Variants in MLIP observed in about 807,000 individuals in gnomAD.
The protein encoded by MLIP is muscular LMNA interacting protein.
Under a neutral mutation model 84.8 loss-of-function variants are expected in MLIP, and 79 were observed. That is an observed-to-expected ratio of 0.93 (90% confidence interval 0.78 to 1.12). The LOEUF is 1.12. MLIP is among the 50% of genes most tolerant of loss of function. The probability of loss-of-function intolerance (pLI) is 0.00; values close to 1 mark genes in which losing one functional copy is unlikely to be tolerated. For missense variants in MLIP, 1,257 were observed against 1,160.6 expected (o/e 1.08, Z -1.21); for synonymous variants, 504 against 463.0 (o/e 1.09, Z -1.14).
intron 11 of MLIP, among the ~76,000 whole-genome samples, chr6:54,213,730 A>C (rs370742015): frequency 2.5e-4 from 19 of 76,878 alleles, no homozygotes; most frequent in Middle Eastern, 6.3e-3. Context: ...AAAAAAAAAA[A>C]AAAAAACAAC....
rs77222657 is a variant in MLIP at position 54,075,642 on chromosome 6, C to T, written c.64-45805C>T. 7.2e-3 allele frequency among the ~76,000 whole-genome samples: 1,101 copies of T among 152,224 alleles called. 4 individuals are homozygous for T. The highest frequency in any genetic ancestry group is 0.013 in the Non-Finnish European group (892 of 68,026). ...AGACTGGAAATGTTTAAAAAAAAGTCAAAGTGCTATTTTTTCTAACTAACA... is the reference window on the plus strand; with the variant it reads ...AGACTGGAAATGTTTAAAAAAAAGTTAAAGTGCTATTTTTTCTAACTAACA... On this transcript the variant is annotated intron_variant, in intron 1 of 12. Transcript: ENST00000274897.
intron 1 of MLIP, among the ~76,000 whole-genome samples, chr6:54,092,957 AC>A (rs1386036946): frequency 6.6e-6 from 1 of 151,980 alleles, no homozygotes; most frequent in African/African-American, 2.4e-5. Context: ...GCTTACTGCA[AC>A]CTCTGCCTCC....
intron 8 of MLIP, among the ~76,000 whole-genome samples, chr6:54,165,289 C>T (rs562225201): frequency 6.6e-6 from 1 of 152,060 alleles, no homozygotes; most frequent in East Asian, 2.0e-4. Context: ...TTCTGCCTCC[C>T]TGCACCTCTG....
chr6:54,142,921 A>C (rs9474744), intron 4 of MLIP, among the ~76,000 whole-genome samples: 47,463 of 151,876 alleles, frequency 0.31, 7,726 homozygotes, highest in African/African-American at 0.38. Context: ...ACAACAACAA[A>C]AAAAAAACGC....
At chr6:54,226,974 C>T (rs1780619510) in intron 11 of MLIP, among the ~76,000 whole-genome samples, 1 of 152,128 alleles carries the variant, frequency 6.6e-6, no homozygotes, top group Non-Finnish European at 1.5e-5. Context: ...TGTGTCCCCA[C>T]CCAAATCTCT....
chr6:54,086,554 A>C (rs763194690), intron 1 of MLIP, among the ~76,000 whole-genome samples: 1 of 152,166 alleles, frequency 6.6e-6, no homozygotes, highest in Non-Finnish European at 1.5e-5. Context: ...TCATGTCACC[A>C]CTTTGCTGTG....
At chr6:54,062,934 G>A (rs1766047716) in intron 1 of MLIP, among the ~76,000 whole-genome samples, 1 of 152,160 alleles carries the variant, frequency 6.6e-6, no homozygotes, top group African/African-American at 2.4e-5. Flanking sequence ...TGCATGCAAT[G>A]GCTCATGCCT....
intron 10 of MLIP, among the ~76,000 whole-genome samples, chr6:54,195,528 G>A (rs1430604436): frequency 6.6e-6 from 1 of 151,990 alleles, no homozygotes; most frequent in Non-Finnish European, 1.5e-5. Context: ...CTCCAACTTT[G>A]GTCTCTAGCT....
intron 12 of MLIP, among the ~76,000 whole-genome samples, chr6:54,235,526 T>G (rs1781305192): frequency 6.6e-6 from 1 of 152,204 alleles, no homozygotes; most frequent in African/African-American, 2.4e-5. Flanking sequence ...GTGCTTGTCT[T>G]GGTGTTTATC....
chr6:54,117,934 G>C (rs1770091533), intron 1 of MLIP, among the ~76,000 whole-genome samples: 1 of 150,958 alleles, frequency 6.6e-6, no homozygotes, highest in Non-Finnish European at 1.5e-5. Context: ...GACAGAATGA[G>C]ACTCTGTCTC....
At chr6:54,081,644 C>T (rs1023175064) in intron 1 of MLIP, among the ~76,000 whole-genome samples, 15 of 152,168 alleles carry the variant, frequency 9.9e-5, no homozygotes, top group East Asian at 1.9e-4. Context: ...AACTCCTGAC[C>T]TCAGGTGATC....
At chr6:54,153,928 T>G (rs1773742391) in intron 5 of MLIP, among the ~76,000 whole-genome samples, 1 of 152,024 alleles carries the variant, frequency 6.6e-6, no homozygotes, top group Admixed American at 6.6e-5. Context: ...TGACCTATAT[T>G]AGAGAAACAT....
intron 10 of MLIP, among the ~76,000 whole-genome samples, chr6:54,194,523 T>C (rs1778161917): frequency 6.6e-6 from 1 of 152,192 alleles, no homozygotes; most frequent in Non-Finnish European, 1.5e-5. Flanking sequence ...GTGCCTTTAT[T>C]TTTATACAAC....
At chr6:54,197,364 T>A (rs894574512) in intron 10 of MLIP, among the ~76,000 whole-genome samples, 1 of 152,090 alleles carries the variant, frequency 6.6e-6, no homozygotes, top group African/African-American at 2.4e-5. Context: ...ACAGGGGGTA[T>A]GTCTTTTTTT....
intron 3 of MLIP, among the ~76,000 whole-genome samples, chr6:54,127,029 C>A (rs1770977315): frequency 6.6e-6 from 1 of 152,072 alleles, no homozygotes; most frequent in African/African-American, 2.4e-5. Context: ...TACTTCATAC[C>A]TTCCCATCTC....
At chr6:54,218,871 C>G (rs1178721798) in intron 11 of MLIP, among the ~76,000 whole-genome samples, 1 of 150,662 alleles carries the variant, frequency 6.6e-6, no homozygotes, top group Non-Finnish European at 1.5e-5. Flanking sequence ...ACTTAATAAA[C>G]TTGAAGTTTT....
At chr6:54,090,401 G>A (rs1326585153) in intron 1 of MLIP, among the ~76,000 whole-genome samples, 1 of 152,122 alleles carries the variant, frequency 6.6e-6, no homozygotes, top group Non-Finnish European at 1.5e-5. Context: ...GTTTTTCCCA[G>A]GAAGATAATC....
chr6:54,137,390 C>T lies in MLIP; in HGVS notation c.1321C>T (p.Leu441Phe). Reference sequence around the variant, plus strand: ...CCCTGCATCCTGTCCCACCTTCTCTCTCAACTCCCCGGCCTCTTCCACGCT... The same window carrying T: ...CCCTGCATCCTGTCCCACCTTCTCTTTCAACTCCCCGGCCTCTTCCACGCT... Reference protein sequence around the residue: ...FSPASCPTFSLNSPASSTLTL... With the variant: ...FSPASCPTFSFNSPASSTLTL... Residue 441 changes from leucine (L) to phenylalanine (F), a missense_variant, in exon 4 of 14, where the codon CTC becomes TTC. By Grantham distance (22) the Leu-to-Phe change is conservative. Transcript: ENST00000502396. 4.6e-6 allele frequency: 7 copies of T among 1,536,144 alleles called. No homozygotes were observed. The highest frequency in any genetic ancestry group is 6.1e-6 in the Non-Finnish European group (7 of 1,146,894).
intron 4 of MLIP, among the ~76,000 whole-genome samples, chr6:54,139,958 A>G (rs1447245083): frequency 1.3e-5 from 2 of 152,216 alleles, no homozygotes; most frequent in Non-Finnish European, 2.9e-5. Context: ...TATTTTAAAC[A>G]TTCAAAGAAA....
Sources: allele counts gnomAD v4.1 joint callset (sites outside exome capture counted in the v4.1 genomes callset), GRCh38; gene constraint gnomAD v4.1.1; transcripts MANE v1.5; gene names NCBI Gene and HGNC (gene_info 2026-07-23, HGNC 2026-07-21).